The following INTS6L variants were observed in gnomAD, a reference collection of about 807,000 sequenced individuals.
INTS6L encodes integrator complex subunit 6-like.
INTS6L carries 18 observed loss-of-function variants against 64.7 expected under a neutral mutation model. That is an observed-to-expected ratio of 0.28 (90% CI 0.19 to 0.41). The LOEUF (loss-of-function observed/expected upper bound fraction) is 0.41. Among genes scored for constraint, INTS6L ranks in the 10% least tolerant of loss-of-function variants. The pLI is 1.00. For missense variants in INTS6L, 533 were observed against 661.0 expected (o/e 0.81, Z 2.12); for synonymous variants, 227 against 235.9 (o/e 0.96, Z 0.34).
At chrX:135,562,028 T>C (rs1347656804) in intron 9 of INTS6L, among the ~76,000 whole-genome samples, 1 of 110,078 alleles carries the variant, frequency 9.1e-6, no homozygotes, top group Non-Finnish European at 1.9e-5. Flanking sequence ...TTCATTGATT[T>C]ATTTCCTTTC....
chrX:135,542,655 G>A (rs1377910000), intron 2 of INTS6L, among the ~76,000 whole-genome samples: 2 of 111,557 alleles, frequency 1.8e-5, no homozygotes, highest in African/African-American at 6.5e-5. Flanking sequence ...CTAACGATAA[G>A]GACACATTAT....
intron 15 of INTS6L, 94 bp from the exon 16 acceptor site, chrX:135,579,694 A>G: frequency 9.3e-7 from 1 of 1,079,740 alleles, no homozygotes; most frequent in Non-Finnish European, 1.2e-6. Context: ...GCTTTATGAG[A>G]TAATTTCCTA....
In INTS6L at chrX:135,579,771, C is replaced by T. The variant is rs782571321; in HGVS notation, c.2120-17C>T. The T allele has an allele frequency of 5.1e-6, 6 of 1,169,829 alleles. No homozygotes were observed. Among genetic ancestry groups the T allele is most frequent in the Admixed American group, 2.4e-5 (1 of 41,813 alleles). ...ATACCCTTACCTCACAGCTCAACCT[C>T]TTCATTTGGTTTCCAGATGCTACTA... On this transcript the variant is annotated splice_polypyrimidine_tract_variant and intron_variant, in intron 15 of 17. Coordinates refer to ENST00000639893, the MANE Select transcript of INTS6L (RefSeq NM_001351601.3).
intron 6 of INTS6L, 78 bp from the exon 7 acceptor site, chrX:135,549,564 G>T: frequency 9.1e-7 from 1 of 1,094,241 alleles, no homozygotes. Flanking sequence ...TTTGCTTTCA[G>T]CTGGAAAATT....
Position 135,580,161 on chromosome X carries a change from A to C in INTS6L, c.2493A>C (p.Arg831=). 1.7e-6 allele frequency: 2 copies of C among 1,172,889 alleles called. No homozygotes were observed. Among genetic ancestry groups the C allele is most frequent in the Non-Finnish European group, 2.3e-6 (2 of 875,777 alleles). Residue 831 remains arginine, a splice_region_variant and synonymous_variant, in exon 16 of 18, where the codon CGA becomes CGC. Transcript: ENST00000639893. ...QLMKEVRKFG[R]KYERIFILLE... ...TGAAGGAAGTTCGAAAGTTTGGTCG[A>C]AGTAAGTAGTGAAAGAACATCTATC...
chrX:135,556,958 G>C (rs1444149175), intron 9 of INTS6L, among the ~76,000 whole-genome samples: 7 of 111,668 alleles, frequency 6.3e-5, no homozygotes, highest in Non-Finnish European at 1.1e-4. Context: ...TTGCAAAAAG[G>C]GTCGAATCTT....
At chrX:135,538,784 A>G (rs2086120621) in intron 2 of INTS6L, among the ~76,000 whole-genome samples, 1 of 112,574 alleles carries the variant, frequency 8.9e-6, no homozygotes, top group African/African-American at 3.2e-5. Context: ...TTGTGTTAGC[A>G]GGCATGACAA....
chrX:135,546,217 T>C (rs1433889341), intron 3 of INTS6L, among the ~76,000 whole-genome samples, 163 bp from the exon 4 acceptor site: 1 of 112,286 alleles, frequency 8.9e-6, no homozygotes, highest in Non-Finnish European at 1.9e-5. Flanking sequence ...CTTCAGGGGT[T>C]GTTATTTTTA....
chrX:135,538,117 C>T (rs781807143), intron 2 of INTS6L, among the ~76,000 whole-genome samples: 1 of 112,111 alleles, frequency 8.9e-6, no homozygotes, highest in African/African-American at 3.2e-5. Context: ...CATCGGTGAA[C>T]GCTTCCTTTC....
At chrX:135,546,200 G>A (rs1391462533) in intron 3 of INTS6L, among the ~76,000 whole-genome samples, 180 bp from the exon 4 acceptor site, 1 of 112,192 alleles carries the variant, frequency 8.9e-6, no homozygotes, top group Non-Finnish European at 1.9e-5. Context: ...TATACTGAAT[G>A]TTACCTCTTC....
At position 135,546,405 on chromosome X, in the gene INTS6L, C is replaced by A; in HGVS notation, c.365C>A (p.Pro122Gln). Residue 122 changes from proline to glutamine, a missense_variant, in exon 4 of 18, where the codon CCA becomes CAA. Physicochemically the swap from Pro to Gln is moderately conservative, Grantham distance 76 (BLOSUM62 -1). Transcript: ENST00000639893. Reference sequence around the variant, plus strand: ...GGGAGAAATCCATTTTTTTTAGAACCATCTATTTTAATTACCATCACAGAT... The same window carrying A: ...GGGAGAAATCCATTTTTTTTAGAACAATCTATTTTAATTACCATCACAGAT... The part of the protein sequence containing the change: ...GQGRNPFFLE[P>Q]SILITITDGN... 1 of 1,160,605 alleles carries A rather than the reference C, an allele frequency of 8.6e-7. No homozygotes were observed. Among genetic ancestry groups the A allele is most frequent in the Admixed American group, 2.7e-5 (1 of 36,607 alleles).
At chrX:135,528,715 G>A (rs1378926806) in intron 2 of INTS6L, among the ~76,000 whole-genome samples, 1 of 111,572 alleles carries the variant, frequency 9.0e-6, no homozygotes, top group Non-Finnish European at 1.9e-5. Flanking sequence ...GTGGTGAGTT[G>A]AAAATTTGAA....
At chrX:135,523,188 C>A (rs1396760516) in intron 2 of INTS6L, among the ~76,000 whole-genome samples, 5 of 110,268 alleles carry the variant, frequency 4.5e-5, no homozygotes, top group Non-Finnish European at 9.5e-5. Flanking sequence ...AGTTTGAGAC[C>A]AGCCTGGGCA....
intron 13 of INTS6L, 98 bp downstream of exon 13, chrX:135,574,160 G>C: frequency 1.1e-6 from 1 of 886,187 alleles, no homozygotes; most frequent in Non-Finnish European, 1.5e-6. Context: ...CTATTTTATA[G>C]TATTTTAATG....
At chrX:135,577,934 C>T (rs1468669185) in intron 15 of INTS6L, among the ~76,000 whole-genome samples, 1 of 112,266 alleles carries the variant, frequency 8.9e-6, no homozygotes, top group African/African-American at 3.2e-5. Context: ...TCATCAAGGT[C>T]ACTAGTGTGT....
intron 2 of INTS6L, 136 bp from the exon 3 acceptor site, chrX:135,545,287 C>T (rs2086325174): frequency 1.3e-6 from 1 of 782,583 alleles, no homozygotes; most frequent in African/African-American, 2.1e-5. Flanking sequence ...TCTACCTGAT[C>T]AGTGAAGATA....
At chrX:135,530,306 T>C (rs1313660453) in intron 2 of INTS6L, among the ~76,000 whole-genome samples, 1 of 111,815 alleles carries the variant, frequency 8.9e-6, no homozygotes, top group Non-Finnish European at 1.9e-5. Flanking sequence ...GTTATGCCCC[T>C]ACTGGTGACA....
rs1556530296 is a variant in INTS6L, at chrX:135,575,190, G to A, written c.1848G>A (p.Leu616=). 2 of 1,210,594 alleles carry A rather than the reference G, an allele frequency of 1.7e-6. No individual in the cohort carries two copies. The highest frequency in any genetic ancestry group is 2.2e-6 in the Non-Finnish European group (2 of 895,074). ...REIDPDQPKR[L]HTFGNPFKQD... Reference sequence around the variant, plus strand: ...TTGATCCAGACCAACCCAAAAGACTGCATACTTTTGGCAATCCGTTTAAAC... The same window carrying A: ...TTGATCCAGACCAACCCAAAAGACTACATACTTTTGGCAATCCGTTTAAAC... The change falls in exon 14 of 18, where the codon CTG becomes CTA. Residue 616 remains leucine (L), a synonymous_variant. Transcript: ENST00000639893.
chrX:135,551,977 T>A lies in INTS6L; in HGVS notation c.907-17T>A, dbSNP rs782289873. ...ACCTAACCATTTTTTCTGCTTTTTT[T>A]AAAAAATTTTTTTTAGCCTCCACGA... On this transcript the variant is annotated splice_polypyrimidine_tract_variant and intron_variant, in intron 7 of 17. Coordinates refer to ENST00000639893, the MANE Select transcript of INTS6L (RefSeq NM_001351601.3). 1.5e-4 allele frequency: 167 copies of A among 1,115,297 alleles called. No individual in the cohort carries two copies. Among genetic ancestry groups the A allele is most frequent in the Admixed American group, 7.8e-4 (23 of 29,646 alleles). The allele number at this position is 1,115,297 out of a possible 1,213,427, so 91.9% of individuals were successfully genotyped here. A position where few individuals can be genotyped will look rare whatever the true frequency, so the allele number is the denominator to read the frequency against.
Sources: allele counts gnomAD v4.1 joint callset (sites outside exome capture counted in the v4.1 genomes callset), GRCh38; gene constraint gnomAD v4.1.1; transcripts MANE v1.5; gene names NCBI Gene and HGNC (gene_info 2026-07-23, HGNC 2026-07-21).